The following TSHR variants were observed in gnomAD, a reference collection of about 807,000 sequenced individuals.
The protein encoded by TSHR is thyrotropin receptor.
In TSHR, 51 loss-of-function variants were observed where a neutral mutation model predicts 64.1. That is an observed-to-expected ratio of 0.80 (90% CI 0.64 to 1.01). The LOEUF (loss-of-function observed/expected upper bound fraction) is 1.01. Ranked by LOEUF, TSHR falls within the 50% of genes least tolerant of loss-of-function variation. The pLI is 0.00. For missense variants in TSHR, 877 were observed against 942.8 expected, an observed-to-expected ratio of 0.93 and a Z score of 0.91; for synonymous variants, 361 against 361.9, an observed-to-expected ratio of 1.00 and a Z score of 0.03.
At chr14:81,055,914 T>C (rs1195558113) in intron 1 of TSHR, among the ~76,000 whole-genome samples, 2 of 152,130 alleles carry the variant, frequency 1.3e-5, no homozygotes, top group African/African-American at 4.8e-5. Flanking sequence ...TGGGAGACTG[T>C]TGGGGAGGCA....
intron 8 of TSHR, among the ~76,000 whole-genome samples, chr14:81,124,148 C>T (rs1490464330): frequency 6.6e-6 from 1 of 152,046 alleles, no homozygotes; most frequent in South Asian, 2.1e-4. Flanking sequence ...CAAAAACACA[C>T]TTTTCTTGTT....
intron 1 of TSHR, among the ~76,000 whole-genome samples, chr14:81,048,071 C>T (rs1261582202): frequency 1.3e-5 from 2 of 152,148 alleles, no homozygotes; most frequent in Non-Finnish European, 2.9e-5. Flanking sequence ...AGATAGCTCG[C>T]TTTTATATCT....
At chr14:80,996,422 A>C (rs1889023047) in intron 1 of TSHR, among the ~76,000 whole-genome samples, 1 of 152,132 alleles carries the variant, frequency 6.6e-6, no homozygotes, top group South Asian at 2.1e-4. Flanking sequence ...ATGATCTAGT[A>C]AGTGACGATG....
chr14:81,074,092 C>G (rs936715140), intron 3 of TSHR, among the ~76,000 whole-genome samples: 1 of 152,060 alleles, frequency 6.6e-6, no homozygotes, highest in African/African-American at 2.4e-5. Flanking sequence ...CAATTCTCTA[C>G]TCTGAGCAAA....
intron 1 of TSHR, chr14:80,982,897 A>C: frequency 2.0e-6 from 1 of 510,928 alleles, no homozygotes; most frequent in Non-Finnish European, 3.6e-6. Flanking sequence ...TAGGGAGGTA[A>C]ATGGGATTAA....
chr14:81,010,926 T>G (rs1365602088), intron 1 of TSHR, among the ~76,000 whole-genome samples: 1 of 151,484 alleles, frequency 6.6e-6, no homozygotes, highest in Non-Finnish European at 1.5e-5. Flanking sequence ...TGCTGAGAAC[T>G]CCATTACGGA....
At chr14:81,120,101 G>C (rs532591591) in intron 8 of TSHR, among the ~76,000 whole-genome samples, 96 of 145,664 alleles carry the variant, frequency 6.6e-4, no homozygotes, top group African/African-American at 2.1e-3. Flanking sequence ...AGTGGGTGCA[G>C]CGCACCAGCA....
intron 1 of TSHR, among the ~76,000 whole-genome samples, chr14:80,999,832 C>T (rs1284578814): frequency 6.6e-6 from 1 of 151,962 alleles, no homozygotes; most frequent in Non-Finnish European, 1.5e-5. Flanking sequence ...AACAAGCAAT[C>T]TCCAATTTAT....
intron 1 of TSHR, among the ~76,000 whole-genome samples, chr14:81,031,130 T>G (rs1019341191): frequency 6.6e-6 from 1 of 152,158 alleles, no homozygotes; most frequent in African/African-American, 2.4e-5. Context: ...ACCCTAGTTC[T>G]TATAAATCTG....
chr14:81,062,620 A>C (rs912039279), intron 2 of TSHR, among the ~76,000 whole-genome samples: 1 of 152,172 alleles, frequency 6.6e-6, no homozygotes, highest in Non-Finnish European at 1.5e-5. Flanking sequence ...TTCACTACTA[A>C]TACAAATATT....
chr14:81,125,397 C>A (rs1890978313), intron 8 of TSHR, among the ~76,000 whole-genome samples: 1 of 152,130 alleles, frequency 6.6e-6, no homozygotes, highest in African/African-American at 2.4e-5. Flanking sequence ...TCTGACGCAG[C>A]AGGTAAAGAT....
intron 1 of TSHR, among the ~76,000 whole-genome samples, chr14:80,967,283 ATT>A (rs35619720): frequency 0.017 from 1,850 of 111,850 alleles, 10 homozygotes; most frequent in Middle Eastern, 0.047. Context: ...CCTGACTTAC[ATT>A]TTTTTTTTTT....
At chr14:81,126,755 G>A (rs1277153006) in intron 8 of TSHR, among the ~76,000 whole-genome samples, 1 of 152,172 alleles carries the variant, frequency 6.6e-6, no homozygotes, top group African/African-American at 2.4e-5. Context: ...TGAGCAAGTA[G>A]GACGATAATT....
intron 8 of TSHR, among the ~76,000 whole-genome samples, chr14:81,130,403 G>A (rs932229632): frequency 6.6e-6 from 1 of 152,184 alleles, no homozygotes; most frequent in Non-Finnish European, 1.5e-5. Context: ...CTCAGTTGCT[G>A]ACTCCATCCT....
rs543707327 is a variant in TSHR, at chr14:81,143,221, C to G, written c.1163C>G (p.Thr388Ser). 1.2e-6 allele frequency: 2 copies of G among 1,614,158 alleles called. No homozygotes were observed. The highest frequency in any genetic ancestry group is 1.7e-6 in the Non-Finnish European group (2 of 1,180,036). Residue 388 changes from threonine to serine, a missense_variant, in exon 10 of 10, where the codon ACC (threonine) becomes AGC (serine). Physicochemically the swap from Thr to Ser is moderately conservative, Grantham distance 58. Coordinates refer to ENST00000298171, the MANE Select transcript of TSHR (RefSeq NM_000369.5). Reference sequence around the variant, plus strand: ...GCTTTTGACAGCCATTATGACTACACCATATGTGGGGACAGTGAAGACATG... The same window carrying G: ...GCTTTTGACAGCCATTATGACTACAGCATATGTGGGGACAGTGAAGACATG... ...LQAFDSHYDYTICGDSEDMVC... is the reference protein window; with the variant it reads ...LQAFDSHYDYSICGDSEDMVC...
intron 1 of TSHR, among the ~76,000 whole-genome samples, chr14:80,999,739 C>T (rs1199027217): frequency 6.6e-6 from 1 of 151,994 alleles, no homozygotes. Flanking sequence ...AAGATGCTGC[C>T]ATGCTGTTGA....
At chr14:81,044,381 C>A (rs1004498884) in intron 1 of TSHR, among the ~76,000 whole-genome samples, 1 of 152,014 alleles carries the variant, frequency 6.6e-6, no homozygotes, top group Admixed American at 6.6e-5. Flanking sequence ...ACTATGAGGC[C>A]GGGACAGTGG....
intron 1 of TSHR, chr14:81,051,953 T>C (rs1235430436): frequency 6.6e-6 from 1 of 152,190 alleles, no homozygotes; most frequent in Non-Finnish European, 1.5e-5. Flanking sequence ...AATGAGGCCC[T>C]TTGACAATAT....
chr14:81,068,393 G>A (rs2139911010), intron 3 of TSHR, 65 bp downstream of exon 3: 1 of 1,472,928 alleles, frequency 6.8e-7, no homozygotes, highest in Non-Finnish European at 9.5e-7. Context: ...TAATCTTGGG[G>A]CTCCAGATGG....
Sources: allele counts gnomAD v4.1 joint callset (sites outside exome capture counted in the v4.1 genomes callset), GRCh38; gene constraint gnomAD v4.1.1; transcripts MANE v1.5; gene names NCBI Gene and HGNC (gene_info 2026-07-23, HGNC 2026-07-21).